The following CDON variants were observed in gnomAD, a reference collection of about 807,000 sequenced individuals.
The protein encoded by CDON is cell adhesion molecule-related/down-regulated by oncogenes.
CDON carries 73 observed loss-of-function variants against 120.9 expected under a neutral mutation model. The ratio of observed to expected loss-of-function variants is 0.60; its 90% CI spans 0.50 to 0.73. The LOEUF (loss-of-function observed/expected upper bound fraction) is 0.73. Ranked by LOEUF, CDON falls within the 30% of genes least tolerant of loss-of-function variation. The pLI is 0.00. For missense variants in CDON, 1,470 were observed against 1,587.3 expected (o/e 0.93, Z 1.26); for synonymous variants, 566 against 573.5 (o/e 0.99, Z 0.19).
Position 125,981,299 on chromosome 11 carries a change from C to T in CDON, c.3026G>A (p.Gly1009Glu), listed in dbSNP as rs1476875663. 3.1e-6 allele frequency: 5 copies of T among 1,613,796 alleles called. No individual in the cohort carries two copies. The highest frequency in any genetic ancestry group is 3.3e-5 in the Admixed American group (2 of 59,986). Residue 1009 changes from glycine (G) to glutamate (E), a missense_variant, in exon 17 of 20, where the codon GGA becomes GAA. Transcript: ENST00000531738. ...CACCATCTGCCCGTTCATATCTGAT[C>T]CTTGGTAGAGATATCCTGGTGGGTC... Reference protein sequence around the residue: ...KYDPPGYLYQGSDMNGQMVDY... With the variant: ...KYDPPGYLYQESDMNGQMVDY...
At chr11:125,996,161 AACACACACACACACACACACACACAC>A (rs35536827) in intron 12 of CDON, among the ~76,000 whole-genome samples, 4 of 145,932 alleles carry the variant, frequency 2.7e-5, no homozygotes, top group Admixed American at 2.1e-4. Flanking sequence ...GTCACAGCAA[AACACACACACACACACACACACACAC>A]ACACACACAC....
intron 15 of CDON, among the ~76,000 whole-genome samples, chr11:125,985,772 T>C (rs1946442419): frequency 6.6e-6 from 1 of 151,970 alleles, no homozygotes; most frequent in Admixed American, 6.5e-5. Context: ...TGAGATACCA[T>C]CTCACACCAG....
chr11:126,040,777 T>G (rs1010474414), intron 1 of CDON, among the ~76,000 whole-genome samples: 1 of 118,260 alleles, frequency 8.5e-6, no homozygotes. Context: ...ATGGTGCCAC[T>G]GCACTCCAGC....
chr11:126,059,335 T>C (rs1472573996), intron 1 of CDON, among the ~76,000 whole-genome samples: 2 of 152,234 alleles, frequency 1.3e-5, no homozygotes. Flanking sequence ...CACATCACTG[T>C]AGTCCTGCTT....
At position 125,958,565 on chromosome 11, in the gene CDON, A is replaced by ATATGTGTGTGTGTGTGTGTGTGTG. The variant is rs371911236; in HGVS notation, c.*2376_*2377insCACACACACACACACACACACATA. 3.2e-4 allele frequency: 41 copies of ATATGTGTGTGTGTGTGTGTGTGTG among 130,102 alleles called. No homozygotes were observed. The highest frequency in any genetic ancestry group is 3.9e-3 in the Middle Eastern group (1 of 254). The allele number at this position is 130,102 out of a possible 1,614,324, so 8.1% of individuals were successfully genotyped here. A position where few individuals can be genotyped will look rare whatever the true frequency, so the allele number is the denominator to read the frequency against. ...AAGGCAATTATATATATATATATAT[A>ATATGTGTGTGTGTGTGTGTGTGTG]TGTGTGTGTGTGTGTGTGTGTGTGT... On this transcript the variant is annotated 3_prime_UTR_variant, in exon 20 of 20. Coordinates refer to ENST00000531738, the MANE Select transcript of CDON (RefSeq NM_001378964.1).
In CDON at chr11:126,054,048, A is replaced by G. The variant is rs574199750; in HGVS notation, c.-62+8531T>C. Among the ~76,000 whole-genome samples, 5 of 152,334 alleles carry G rather than the reference A, an allele frequency of 3.3e-5. No individual in the cohort carries two copies. In the South Asian group the frequency reaches 1.0e-3, roughly 32 times the overall value. ...CACTACAATAATTTCATGGCCTGAT[A>G]AAAGCAGTATTTTATCCATTAAACA... On this transcript the variant is annotated intron_variant, in intron 1 of 19. Transcript: ENST00000531738.
chr11:126,050,721 G>A (rs927995296), intron 1 of CDON, among the ~76,000 whole-genome samples: 7 of 152,094 alleles, frequency 4.6e-5, no homozygotes, highest in African/African-American at 1.7e-4. Context: ...GGGGTGTGCC[G>A]TGGCTCCTCC....
rs565153202 is a variant in CDON, at chr11:126,020,150, A to G, written c.350-385T>C. Among the ~76,000 whole-genome samples, 51 of 152,318 alleles carry G rather than the reference A, an allele frequency of 3.3e-4. 1 individual carries two copies. Among genetic ancestry groups the G allele is most frequent in the African/African-American group, 1.1e-3 (45 of 41,590 alleles). On this transcript the variant is annotated intron_variant, in intron 3 of 19. Transcript: ENST00000531738. ...TCACGGCACCCTTTTTCATAAGTCAATGCTTCTAGGGAATAAATATAAACT... is the reference window on the plus strand; with the variant it reads ...TCACGGCACCCTTTTTCATAAGTCAGTGCTTCTAGGGAATAAATATAAACT...
At chr11:125,992,344 T>G (rs534966550) in intron 14 of CDON, among the ~76,000 whole-genome samples, 91 of 152,304 alleles carry the variant, frequency 6.0e-4, no homozygotes, top group African/African-American at 2.1e-3. Context: ...TCCTTCCATT[T>G]CTTTTTAAAA....
Position 125,960,744 on chromosome 11 carries a change from G to T in CDON, c.*198C>A. 1 of 607,658 alleles carries T rather than the reference G, an allele frequency of 1.6e-6. No homozygotes were observed. The highest frequency in any genetic ancestry group is 2.8e-5 in the Admixed American group (1 of 35,528). The allele number at this position is 607,658 out of a possible 1,614,324, so 37.6% of individuals were successfully genotyped here. ...TTCCTACCGAGGGGGAGGAAGGAAT[G>T]GGGAAGAAAACATTTAAGGCATAAA... is the stretch of plus-strand genomic sequence containing the variant. On this transcript the variant is annotated 3_prime_UTR_variant, in exon 20 of 20. Transcript: ENST00000531738.
chr11:125,987,885 G>A (rs1363116383), intron 15 of CDON, among the ~76,000 whole-genome samples: 1 of 152,212 alleles, frequency 6.6e-6, no homozygotes, highest in African/African-American at 2.4e-5. Context: ...TAAGATGTGA[G>A]TATTGCAGCA....
At chr11:125,981,482 G>A (rs1484433735) in intron 16 of CDON, among the ~76,000 whole-genome samples, 153 bp from the exon 17 acceptor site, 1 of 152,108 alleles carries the variant, frequency 6.6e-6, no homozygotes, top group Non-Finnish European at 1.5e-5. Context: ...TGCTGAGAAG[G>A]TCTTACAGAT....
chr11:125,974,999 A>C lies in CDON; in HGVS notation c.3356+3305T>G, dbSNP rs538053237. 2.0e-5 allele frequency among the ~76,000 whole-genome samples: 3 copies of C among 151,610 alleles called. No homozygotes were observed. The South Asian group carries it at 6.3e-4, about 32-fold the overall frequency. On this transcript the variant is annotated intron_variant, in intron 18 of 19. Coordinates refer to ENST00000531738, the MANE Select transcript of CDON (RefSeq NM_001378964.1). Reference sequence around the variant, plus strand: ...CCCTTCCTCTTCATCCCCATTCCCCATGTCTCACTGATCCCCTCCCTCCCT... The same window carrying C: ...CCCTTCCTCTTCATCCCCATTCCCCCTGTCTCACTGATCCCCTCCCTCCCT...
intron 6 of CDON, among the ~76,000 whole-genome samples, 200 bp from the exon 7 acceptor site, chr11:126,015,710 T>C (rs1219094066): frequency 1.3e-5 from 2 of 152,178 alleles, no homozygotes. Flanking sequence ...ATGTTGCTAA[T>C]AAGATATAGT....
At chr11:126,031,782 C>T (rs1287737877) in intron 1 of CDON, among the ~76,000 whole-genome samples, 2 of 152,190 alleles carry the variant, frequency 1.3e-5, no homozygotes, top group African/African-American at 4.8e-5. Flanking sequence ...AACTACGAGC[C>T]TTAAGATGAC....
Position 126,040,939 on chromosome 11 carries a change from C to T in CDON, c.-61-17402G>A, listed in dbSNP as rs992858217. On this transcript the variant is annotated intron_variant, in intron 1 of 19. Coordinates refer to ENST00000531738, the MANE Select transcript of CDON (RefSeq NM_001378964.1). ...GGCACAGTGGCTCACGCCTGTAATC[C>T]CAGCACTTTAGGAGGCCGAGGCGGG... 7.9e-5 allele frequency among the ~76,000 whole-genome samples: 12 copies of T among 151,264 alleles called. No individual in the cohort carries two copies. The East Asian group carries it at 2.3e-3, about 29-fold the overall frequency.
chr11:125,980,854 A>G (rs573649234), intron 17 of CDON, among the ~76,000 whole-genome samples, 195 bp downstream of exon 17: 96 of 152,248 alleles, frequency 6.3e-4, no homozygotes, highest in Non-Finnish European at 1.1e-3. Flanking sequence ...ACTGATGAAC[A>G]TAACTATTAC....
chr11:125,998,888 G>T (rs1348839374), intron 11 of CDON, among the ~76,000 whole-genome samples: 2 of 152,152 alleles, frequency 1.3e-5, no homozygotes, highest in African/African-American at 4.8e-5. Flanking sequence ...GGTGACGCTA[G>T]TTACTTTGAG....
chr11:126,019,108 T>G (rs1185310004), intron 4 of CDON, among the ~76,000 whole-genome samples: 2 of 152,116 alleles, frequency 1.3e-5, no homozygotes, highest in Non-Finnish European at 2.9e-5. Flanking sequence ...GTCTAGTCAT[T>G]CATTTTTTTT....
Sources: gnomAD v4.1 joint callset for allele counts (sites outside exome capture counted in the v4.1 genomes callset) on GRCh38, gnomAD v4.1.1 for gene constraint, MANE v1.5 for transcripts, NCBI Gene and HGNC (gene_info 2026-07-23, HGNC 2026-07-21) for gene names.